ZNF578: variants seen among roughly 807,000 people sequenced by gnomAD.
ZNF578 encodes the protein zinc finger protein 578.
In ZNF578, 8 loss-of-function variants were observed where a neutral mutation model predicts 8.3. The ratio of observed to expected loss-of-function variants is 0.96; its 90% CI spans 0.56 to 1.74. ZNF578 has a LOEUF of 1.74. ZNF578 is among the 40% of genes most tolerant of loss of function. The pLI is 0.00. For missense variants in ZNF578, 726 were observed against 707.5 expected (o/e 1.03, Z -0.30); for synonymous variants, 206 against 232.2 (o/e 0.89, Z 1.03).
intron 4 of ZNF578, 94 bp downstream of exon 4, chr19:52,502,002 A>G (rs2059409704): frequency 6.6e-7 from 1 of 1,507,206 alleles, no homozygotes. Flanking sequence ...TGTAACAGCC[A>G]GTCTTTTCTG....
intron 2 of ZNF578, among the ~76,000 whole-genome samples, chr19:52,471,874 C>G (rs2059292837): frequency 6.6e-6 from 1 of 152,026 alleles, no homozygotes; most frequent in Admixed American, 6.6e-5. Flanking sequence ...CAAAAGAAAA[C>G]AATACTCATT....
chr19:52,508,433 A>G (rs1022770325), intron 5 of ZNF578, among the ~76,000 whole-genome samples: 2 of 152,072 alleles, frequency 1.3e-5, no homozygotes, highest in Non-Finnish European at 2.9e-5. Context: ...ACAATTAGTC[A>G]ACACCCATGA....
chr19:52,507,746 C>T (rs2059430481), intron 5 of ZNF578, among the ~76,000 whole-genome samples: 1 of 152,104 alleles, frequency 6.6e-6, no homozygotes, highest in African/African-American at 2.4e-5. Flanking sequence ...TTTACTGTCT[C>T]TTTTTATAAA....
chr19:52,479,562 A>AAAG (rs1568459029), intron 2 of ZNF578, among the ~76,000 whole-genome samples: 1 of 149,654 alleles, frequency 6.7e-6, no homozygotes, highest in African/African-American at 2.5e-5. Flanking sequence ...AAAAAAAAAA[A>AAAG]GGAAAAAAGA....
intron 2 of ZNF578, among the ~76,000 whole-genome samples, chr19:52,469,870 A>G (rs944903227): frequency 6.6e-6 from 1 of 152,176 alleles, no homozygotes; most frequent in African/African-American, 2.4e-5. Flanking sequence ...TGTAGACAAA[A>G]GGCTGAAATT....
chr19:52,481,306 T>TG (rs1446769078), intron 2 of ZNF578, among the ~76,000 whole-genome samples: 1 of 152,176 alleles, frequency 6.6e-6, no homozygotes, highest in Non-Finnish European at 1.5e-5. Flanking sequence ...GGTGCCATGT[T>TG]GCCGTGGACC....
chr19:52,495,595 A>T (rs978938452), intron 3 of ZNF578, among the ~76,000 whole-genome samples: 6 of 152,090 alleles, frequency 3.9e-5, no homozygotes, highest in African/African-American at 1.4e-4. Context: ...AGTAATGAAG[A>T]TGAAGGGGGA....
intron 4 of ZNF578, among the ~76,000 whole-genome samples, chr19:52,502,151 T>C (rs2059410188): frequency 6.6e-6 from 1 of 151,850 alleles, no homozygotes; most frequent in Admixed American, 6.6e-5. Context: ...GGCATGGTCC[T>C]GGGAAGGGCT....
At chr19:52,459,543 A>G (rs1365607776) in intron 2 of ZNF578, among the ~76,000 whole-genome samples, 2 of 150,808 alleles carry the variant, frequency 1.3e-5, no homozygotes, top group South Asian at 2.1e-4. Flanking sequence ...TATTGTATAT[A>G]ATGCTGTGAT....
At chr19:52,492,449 C>CT (rs1568462321) in intron 3 of ZNF578, among the ~76,000 whole-genome samples, 1 of 152,184 alleles carries the variant, frequency 6.6e-6, no homozygotes, top group East Asian at 1.9e-4. Flanking sequence ...AGGGTGGACT[C>CT]TCCCTCCTGA....
chr19:52,478,250 T>A (rs1319990558), intron 2 of ZNF578, among the ~76,000 whole-genome samples: 3 of 152,254 alleles, frequency 2.0e-5, no homozygotes, highest in Non-Finnish European at 4.4e-5. Flanking sequence ...GTGAATGGGC[T>A]CTGTATTCCA....
At position 52,456,848 on chromosome 19, in the gene ZNF578, T is replaced by C. The variant is rs187624868; in HGVS notation, c.-212-20T>C. ...GATTAACTTGTTTTTTAAAAAGTTT[T>C]CTTTTTCTTTTTCTTTCAGGATTAG... On this transcript the variant is annotated intron_variant, in intron 1 of 5. Transcript: ENST00000421239. 9.8e-4 allele frequency: 151 copies of C among 153,476 alleles called. No homozygotes were observed. The highest frequency in any genetic ancestry group is 1.7e-3 in the Non-Finnish European group (118 of 68,196). 9.5% of individuals were successfully genotyped at this position (153,476 alleles called of 1,614,324 possible). A position where few individuals can be genotyped will look rare whatever the true frequency, so the allele number is the denominator to read the frequency against.
In ZNF578 at chr19:52,504,758, A is replaced by G. The variant is rs751807990; in HGVS notation, c.167A>G (p.Asn56Ser). ...RALYREVMLE[N>S]YRNLEAVDIS... ...TTGTACAGGGAAGTGATGTTGGAGA[A>G]CTACAGGAACCTGGAGGCTGTGGGT... Residue 56 changes from asparagine (N) to serine (S), a missense_variant, in exon 5 of 6, where the codon AAC becomes AGC. By Grantham distance (46) the Asn-to-Ser change is conservative. Transcript: ENST00000421239. 1 of 1,614,140 alleles carries G rather than the reference A, an allele frequency of 6.2e-7. No individual in the cohort carries two copies. Among genetic ancestry groups the G allele is most frequent in the Non-Finnish European group, 8.5e-7 (1 of 1,180,014 alleles).
Position 52,456,954 on chromosome 19 carries a change from C to G in ZNF578, c.-126C>G, listed in dbSNP as rs1040813795. 1 of 153,364 alleles carries G rather than the reference C, an allele frequency of 6.5e-6. No homozygotes were observed. Among genetic ancestry groups the G allele is most frequent in the Non-Finnish European group, 1.5e-5 (1 of 68,474 alleles). The allele number at this position is 153,364 out of a possible 1,614,324, so 9.5% of individuals were successfully genotyped here. A position where few individuals can be genotyped will look rare whatever the true frequency, so the allele number is the denominator to read the frequency against. On this transcript the variant is annotated 5_prime_UTR_variant, in exon 2 of 6. Coordinates refer to ENST00000421239, the MANE Select transcript of ZNF578 (RefSeq NM_001099694.2). The stretch of plus-strand genomic sequence containing the variant: ...GAAAGAAAAGGAGTCAGGAATGCCT[C>G]TTAGGTACAGTGATATTCTCAGTGG...
chr19:52,481,227 A>G (rs1312185522), intron 2 of ZNF578, among the ~76,000 whole-genome samples: 2 of 152,130 alleles, frequency 1.3e-5, no homozygotes, highest in African/African-American at 4.8e-5. Context: ...GTCCCCATTC[A>G]TCTGATCAAT....
intron 2 of ZNF578, among the ~76,000 whole-genome samples, chr19:52,466,092 A>C (rs1416786573): frequency 2.0e-5 from 3 of 152,262 alleles, no homozygotes; most frequent in Non-Finnish European, 2.9e-5. Context: ...TATTGTGTAC[A>C]ATCACTTAGA....
chr19:52,463,390 T>C (rs1319895916), intron 2 of ZNF578, among the ~76,000 whole-genome samples: 1 of 152,210 alleles, frequency 6.6e-6, no homozygotes, highest in Non-Finnish European at 1.5e-5. Flanking sequence ...TGCCAGATCT[T>C]GTCAGGTGCC....
At chr19:52,494,721 C>T (rs2059379604) in intron 3 of ZNF578, among the ~76,000 whole-genome samples, 1 of 152,090 alleles carries the variant, frequency 6.6e-6, no homozygotes, top group South Asian at 2.1e-4. Context: ...AGCCCGCGGG[C>T]AGTGACATTC....
Position 52,499,242 on chromosome 19 carries a change from A to G in ZNF578, c.-19-2585A>G, listed in dbSNP as rs548687174. Among the ~76,000 whole-genome samples, 26 of 152,322 alleles carry G rather than the reference A, an allele frequency of 1.7e-4. 1 individual carries two copies. The South Asian group carries it at 5.4e-3, about 32-fold the overall frequency. ...TGTGTGACTTTTCTTCTGGGAGAGGATAATGGTCATTTTTAACTCAAATTT... is the reference window on the plus strand; with the variant it reads ...TGTGTGACTTTTCTTCTGGGAGAGGGTAATGGTCATTTTTAACTCAAATTT... On this transcript the variant is annotated intron_variant, in intron 3 of 5. Coordinates refer to ENST00000421239, the MANE Select transcript of ZNF578 (RefSeq NM_001099694.2).
Sources: gnomAD v4.1 joint callset for allele counts (sites outside exome capture counted in the v4.1 genomes callset) on GRCh38, gnomAD v4.1.1 for gene constraint, MANE v1.5 for transcripts, NCBI Gene and HGNC (gene_info 2026-07-23, HGNC 2026-07-21) for gene names.